CTNNA3: variants seen among roughly 807,000 people sequenced by gnomAD.
The protein encoded by CTNNA3 is catenin alpha 3, also known as catenin alpha-3.
A neutral mutation model predicts 95.7 loss-of-function variants in CTNNA3; 76 were observed. The ratio of observed to expected loss-of-function variants is 0.79; its 90% CI spans 0.66 to 0.96. CTNNA3 has a LOEUF of 0.96. Ranked by LOEUF, CTNNA3 falls within the 40% of genes least tolerant of loss-of-function variation. The pLI is 0.00. For missense variants in CTNNA3, 1,191 were observed against 1,089.8 expected, an observed-to-expected ratio of 1.09 and a Z score of -1.31; for synonymous variants, 431 against 374.4, an observed-to-expected ratio of 1.15 and a Z score of -1.74.
chr10:67,248,098 G>T (rs1865972838), intron 5 of CTNNA3, among the ~76,000 whole-genome samples: 1 of 152,108 alleles, frequency 6.6e-6, no homozygotes, highest in African/African-American at 2.4e-5. Context: ...ACGGCAGGTG[G>T]ATCACTTGAG....
chr10:67,208,196 C>G (rs1863986460), intron 6 of CTNNA3, among the ~76,000 whole-genome samples: 1 of 151,732 alleles, frequency 6.6e-6, no homozygotes, highest in African/African-American at 2.4e-5. Flanking sequence ...GATGGTGAAA[C>G]CACGTCTCTA....
At chr10:66,700,560 A>C in intron 9 of CTNNA3, among the ~76,000 whole-genome samples, 1 of 152,158 alleles carries the variant, frequency 6.6e-6, no homozygotes, top group Non-Finnish European at 1.5e-5. Context: ...GACATTAGGG[A>C]ATGTCATACC....
At chr10:67,728,078 A>ATATG (rs1841253005) in intron 1 of CTNNA3, among the ~76,000 whole-genome samples, 1 of 140,606 alleles carries the variant, frequency 7.1e-6, no homozygotes, top group Non-Finnish European at 1.5e-5. Flanking sequence ...TACATATTAT[A>ATATG]TATTATATAA....
At chr10:67,550,865 C>A (rs943178544) in intron 3 of CTNNA3, among the ~76,000 whole-genome samples, 1 of 151,952 alleles carries the variant, frequency 6.6e-6, no homozygotes, top group South Asian at 2.1e-4. Context: ...AAAATCAAGG[C>A]TACTCCCATG....
chr10:66,306,369 C>T (rs2091934295), intron 12 of CTNNA3, among the ~76,000 whole-genome samples: 2 of 152,066 alleles, frequency 1.3e-5, no homozygotes, highest in South Asian at 4.2e-4. Context: ...TTTTTAACTG[C>T]CACAAATTTA....
At chr10:67,077,497 C>G (rs755468408) in intron 7 of CTNNA3, among the ~76,000 whole-genome samples, 1 of 152,088 alleles carries the variant, frequency 6.6e-6, no homozygotes, top group South Asian at 2.1e-4. Context: ...CCCTCTGTCC[C>G]CTGCCTGCCT....
chr10:67,286,144 T>C (rs1485494986), intron 5 of CTNNA3, among the ~76,000 whole-genome samples: 2 of 152,174 alleles, frequency 1.3e-5, no homozygotes, highest in African/African-American at 4.8e-5. Context: ...TCCTTCCAGG[T>C]AGTAAATGAA....
chr10:67,048,165 C>A (rs917115222), intron 7 of CTNNA3, among the ~76,000 whole-genome samples: 1 of 152,052 alleles, frequency 6.6e-6, no homozygotes, highest in African/African-American at 2.4e-5. Context: ...TCATCCCCTG[C>A]CATGTTCATG....
intron 2 of CTNNA3, among the ~76,000 whole-genome samples, chr10:67,626,401 C>A (rs1374190978): frequency 6.6e-6 from 1 of 152,078 alleles, no homozygotes; most frequent in Non-Finnish European, 1.5e-5. Flanking sequence ...ATGTCTTGTG[C>A]TCCCTTGGTT....
intron 2 of CTNNA3, among the ~76,000 whole-genome samples, chr10:67,642,472 C>CT (rs1839570408): frequency 6.6e-6 from 1 of 152,170 alleles, no homozygotes; most frequent in Non-Finnish European, 1.5e-5. Flanking sequence ...AATCCCAGCA[C>CT]TTTGGGAGAC....
At chr10:67,750,076 T>C (rs775527519) in intron 1 of CTNNA3, among the ~76,000 whole-genome samples, 5 of 152,116 alleles carry the variant, frequency 3.3e-5, no homozygotes, top group Non-Finnish European at 5.9e-5. Context: ...AGCGAGACTA[T>C]GAACCCGCCA....
rs1249917628 is a variant in CTNNA3 at position 65,915,327 on chromosome 10, G to A, written c.*5003C>T. ...CGACTTCACCAAACCACCAAGACAA[G>A]TGTCTCATTCTATCCTTAATACTTT... is the stretch of plus-strand genomic sequence containing the variant. On this transcript the variant is annotated 3_prime_UTR_variant, in exon 18 of 18. Transcript: ENST00000433211. The A allele has an allele frequency of 6.6e-6, 1 of 151,854 alleles. No individual in the cohort carries two copies. Among genetic ancestry groups the A allele is most frequent in the East Asian group, 1.9e-4 (1 of 5,178 alleles). 9.4% of individuals were successfully genotyped at this position (151,854 alleles called of 1,614,324 possible).
Position 66,982,695 on chromosome 10 carries a change from A to T in CTNNA3, c.1047+197622T>A, listed in dbSNP as rs138717249. ...GAGATCAATGAATAGATAAGGTCAG[A>T]TGGCAAAAGATAAGCTAAGTAATAA... On this transcript the variant is annotated intron_variant, in intron 7 of 17. Coordinates refer to ENST00000433211, the MANE Select transcript of CTNNA3 (RefSeq NM_013266.4). Among the ~76,000 whole-genome samples, 78 of 152,364 alleles carry T rather than the reference A, an allele frequency of 5.1e-4. No individual in the cohort carries two copies. In the East Asian group the frequency reaches 0.015, roughly 29 times the overall value.
intron 16 of CTNNA3, among the ~76,000 whole-genome samples, chr10:65,976,406 A>G (rs2078208349): frequency 6.6e-6 from 1 of 152,156 alleles, no homozygotes; most frequent in Non-Finnish European, 1.5e-5. Context: ...TGCTGTCTCT[A>G]TCAAGAGACT....
intron 5 of CTNNA3, among the ~76,000 whole-genome samples, chr10:67,243,268 C>A (rs1865784082): frequency 6.6e-6 from 1 of 152,012 alleles, no homozygotes; most frequent in South Asian, 2.1e-4. Context: ...CTTTTCCAAC[C>A]CCCCCAACCC....
At chr10:67,443,894 T>C (rs1461589707) in intron 5 of CTNNA3, among the ~76,000 whole-genome samples, 1 of 152,220 alleles carries the variant, frequency 6.6e-6, no homozygotes, top group Non-Finnish European at 1.5e-5. Flanking sequence ...TGAATGGTAA[T>C]GCCTAGGTTT....
chr10:65,996,989 T>A (rs1452896873), intron 15 of CTNNA3, among the ~76,000 whole-genome samples: 1 of 151,778 alleles, frequency 6.6e-6, no homozygotes, highest in Non-Finnish European at 1.5e-5. Context: ...TCTTTATTTT[T>A]TAAATCTGTT....
At chr10:66,584,183 T>C (rs1164274077) in intron 10 of CTNNA3, among the ~76,000 whole-genome samples, 1 of 151,942 alleles carries the variant, frequency 6.6e-6, no homozygotes, top group East Asian at 1.9e-4. Flanking sequence ...TCTGTAAATA[T>C]CTGTTAGGCT....
intron 2 of CTNNA3, among the ~76,000 whole-genome samples, chr10:67,612,996 T>C (rs1031696368): frequency 2.6e-5 from 4 of 152,226 alleles, no homozygotes; most frequent in African/African-American, 7.2e-5. Flanking sequence ...AAATCTCTCA[T>C]ATTTGCACTA....
Sources: allele counts gnomAD v4.1 joint callset (sites outside exome capture counted in the v4.1 genomes callset), GRCh38; gene constraint gnomAD v4.1.1; transcripts MANE v1.5; gene names NCBI Gene and HGNC (gene_info 2026-07-23, HGNC 2026-07-21).